Variants in TAF2 observed in about 807,000 individuals in gnomAD.
The protein encoded by TAF2 is transcription initiation factor TFIID subunit 2.
TAF2 carries 61 observed loss-of-function variants against 138.5 expected under a neutral mutation model. That is an observed-to-expected ratio of 0.44 (90% confidence interval 0.36 to 0.54). TAF2 has a LOEUF of 0.54. Ranked by LOEUF, TAF2 falls within the 20% of genes least tolerant of loss-of-function variation. The probability of loss-of-function intolerance (pLI) is 0.00; values close to 1 mark genes in which losing one functional copy is unlikely to be tolerated. For missense variants in TAF2, 1,090 were observed against 1,427.9 expected (o/e 0.76, Z 3.81); for synonymous variants, 475 against 469.9 (o/e 1.01, Z -0.14).
intron 25 of TAF2, among the ~76,000 whole-genome samples, chr8:119,740,841 C>T (rs1355666626): frequency 2.6e-5 from 4 of 152,028 alleles, no homozygotes. Context: ...TTAAGACTTG[C>T]TCAGTGACCT....
intron 3 of TAF2, among the ~76,000 whole-genome samples, chr8:119,816,336 C>T (rs1825475546): frequency 6.6e-6 from 1 of 151,762 alleles, no homozygotes; most frequent in African/African-American, 2.4e-5. Flanking sequence ...GGATTACAGG[C>T]ATGAGCCACC....
intron 25 of TAF2, among the ~76,000 whole-genome samples, chr8:119,738,084 CTA>C (rs564464507): frequency 6.6e-6 from 1 of 151,140 alleles, no homozygotes; most frequent in Non-Finnish European, 1.5e-5. Context: ...TATAAGTATA[CTA>C]TATATATACA....
chr8:119,819,612 T>C, intron 2 of TAF2, 106 bp from the exon 3 acceptor site: 1 of 899,038 alleles, frequency 1.1e-6, no homozygotes, highest in Admixed American at 1.9e-5. Context: ...AGAGACAAAA[T>C]CCCTAATAGC....
intron 19 of TAF2, among the ~76,000 whole-genome samples, chr8:119,761,410 T>C (rs1424575887): frequency 6.6e-6 from 1 of 152,324 alleles, no homozygotes; most frequent in African/African-American, 2.4e-5. Context: ...TAAAGACTAA[T>C]TTCTCAGAAC....
chr8:119,816,079 C>A (rs1283977999), intron 3 of TAF2, among the ~76,000 whole-genome samples: 1 of 130,948 alleles, frequency 7.6e-6, no homozygotes, highest in Non-Finnish European at 1.6e-5. Context: ...GAGACGGAGT[C>A]TTACTTTGTC....
chr8:119,811,805 CAAAAA>C (rs771523182), intron 3 of TAF2, among the ~76,000 whole-genome samples: 1 of 60,350 alleles, frequency 1.7e-5, no homozygotes, highest in Non-Finnish European at 3.2e-5. Flanking sequence ...GACTCCGTCT[CAAAAA>C]AAAAAAAAAA....
chr8:119,771,531 C>A (rs771957654), intron 18 of TAF2, among the ~76,000 whole-genome samples: 1 of 152,078 alleles, frequency 6.6e-6, no homozygotes, highest in Non-Finnish European at 1.5e-5. Flanking sequence ...CCACTGTGCC[C>A]GGCCACGAGT....
At chr8:119,737,896 G>T (rs1309589097) in intron 25 of TAF2, among the ~76,000 whole-genome samples, 1 of 151,950 alleles carries the variant, frequency 6.6e-6, no homozygotes, top group African/African-American at 2.4e-5. Flanking sequence ...AGTTTTCCAA[G>T]AATTTAATCC....
intron 15 of TAF2, among the ~76,000 whole-genome samples, chr8:119,784,306 G>C (rs1822872421): frequency 6.6e-6 from 1 of 152,160 alleles, no homozygotes; most frequent in African/African-American, 2.4e-5. Flanking sequence ...TGTAACCCCA[G>C]CACTTTCGGA....
At chr8:119,739,606 G>T (rs1196653920) in intron 25 of TAF2, among the ~76,000 whole-genome samples, 1 of 151,608 alleles carries the variant, frequency 6.6e-6, no homozygotes, top group African/African-American at 2.4e-5. Flanking sequence ...GACAAGGTCT[G>T]TAACACATTC....
intron 18 of TAF2, among the ~76,000 whole-genome samples, chr8:119,768,663 C>T (rs1212713209): frequency 6.6e-6 from 1 of 152,200 alleles, no homozygotes; most frequent in African/African-American, 2.4e-5. Flanking sequence ...CTGTAAATGT[C>T]TATTAGGTCC....
chr8:119,796,059 T>G (rs1420458425), intron 8 of TAF2, among the ~76,000 whole-genome samples: 1 of 152,082 alleles, frequency 6.6e-6, no homozygotes, highest in Non-Finnish European at 1.5e-5. Flanking sequence ...TTCTAAAACC[T>G]AAAGTTTAAT....
At chr8:119,794,428 A>G (rs1823676512) in intron 9 of TAF2, among the ~76,000 whole-genome samples, 1 of 151,814 alleles carries the variant, frequency 6.6e-6, no homozygotes, top group Non-Finnish European at 1.5e-5. Flanking sequence ...TAAAATAAAG[A>G]CACTACCACA....
Position 119,775,617 on chromosome 8 carries a change from C to A in TAF2, c.2364+2402G>T, listed in dbSNP as rs564545118. On this transcript the variant is annotated intron_variant, in intron 18 of 25. Transcript: ENST00000378164. ...ACTTGGGAGGCTGAGGCAGGAGAAT[C>A]GCTTGAACCTGGGAGGTGGAGGTTG... 8.6e-5 allele frequency among the ~76,000 whole-genome samples: 13 copies of A among 151,902 alleles called. No homozygotes were observed. The South Asian group carries it at 2.7e-3, about 32-fold the overall frequency.
At chr8:119,754,103 T>C (rs562906873) in intron 22 of TAF2, among the ~76,000 whole-genome samples, 22 of 152,320 alleles carry the variant, frequency 1.4e-4, no homozygotes, top group African/African-American at 5.3e-4. Context: ...TGTTATTTTC[T>C]AAAGACCCTG....
intron 2 of TAF2, among the ~76,000 whole-genome samples, chr8:119,827,815 C>T (rs1204116016): frequency 6.6e-6 from 1 of 151,216 alleles, no homozygotes; most frequent in Non-Finnish European, 1.5e-5. Flanking sequence ...ATGATCTCGG[C>T]TCACTGCAAC....
rs114179369 is a variant in TAF2 at position 119,765,535 on chromosome 8, G to A, written c.2365-2927C>T. 9.1e-3 allele frequency among the ~76,000 whole-genome samples: 1,379 copies of A among 152,228 alleles called. 18 individuals are homozygous for A. Among genetic ancestry groups the A allele is most frequent in the African/African-American group, 0.032 (1,315 of 41,518 alleles). On this transcript the variant is annotated intron_variant, in intron 18 of 25. Transcript: ENST00000378164. The stretch of plus-strand genomic sequence containing the variant: ...GAAAAGTTACTGATGCAACTTCACG[G>A]TAAAGGGGTACAAAGCTGGAGGGGT...
In TAF2 at chr8:119,823,292, C is replaced by T. The variant is rs576023779; in HGVS notation, c.139-3786G>A. Among the ~76,000 whole-genome samples the T allele has an allele frequency of 3.8e-4, 58 of 152,310 alleles. No homozygotes were observed. The South Asian group carries it at 0.012, about 30-fold the overall frequency. On this transcript the variant is annotated intron_variant, in intron 2 of 25. Coordinates refer to ENST00000378164, the MANE Select transcript of TAF2 (RefSeq NM_003184.4). The stretch of plus-strand genomic sequence containing the variant: ...CAGTATGACTTATGCAGTCATCATT[C>T]CACTGAAGTTACCTGACATGTTTGG...
intron 18 of TAF2, among the ~76,000 whole-genome samples, chr8:119,775,008 T>C (rs948804988): frequency 6.6e-6 from 1 of 151,276 alleles, no homozygotes; most frequent in African/African-American, 2.4e-5. Context: ...AGGCCAGGCG[T>C]GGTGGCTCAC....
Sources: gnomAD v4.1 joint callset for allele counts (sites outside exome capture counted in the v4.1 genomes callset) on GRCh38, gnomAD v4.1.1 for gene constraint, MANE v1.5 for transcripts, NCBI Gene and HGNC (gene_info 2026-07-23, HGNC 2026-07-21) for gene names.